The following GALC variants were observed in gnomAD, a reference collection of about 807,000 sequenced individuals.
The protein encoded by GALC is galactocerebrosidase.
Under a neutral mutation model 91.8 loss-of-function variants are expected in GALC, and 77 were observed. That is an observed-to-expected ratio of 0.84 (90% CI 0.70 to 1.01). GALC has a LOEUF of 1.01. GALC is among the 50% of genes least tolerant of loss of function. The probability of loss-of-function intolerance (pLI) is 0.00; values close to 1 mark genes in which losing one functional copy is unlikely to be tolerated. For missense variants in GALC, 882 were observed against 855.9 expected, an observed-to-expected ratio of 1.03 and a Z score of -0.38; for synonymous variants, 357 against 306.7, an observed-to-expected ratio of 1.16 and a Z score of -1.71.
chr14:87,983,773 T>C (rs1378907157), intron 5 of GALC, among the ~76,000 whole-genome samples: 1 of 152,200 alleles, frequency 6.6e-6, no homozygotes, highest in Admixed American at 6.5e-5. Context: ...ACTTTTCAAA[T>C]CCTTAAAAGG....
chr14:87,951,477 A>T (rs408667), intron 10 of GALC, among the ~76,000 whole-genome samples: 69,904 of 151,630 alleles, frequency 0.46, 16,367 homozygotes, highest in African/African-American at 0.49. Flanking sequence ...AGAGATTTGA[A>T]CAACACTACC....
chr14:87,981,668 G>A (rs1886754680), intron 6 of GALC, among the ~76,000 whole-genome samples: 1 of 152,088 alleles, frequency 6.6e-6, no homozygotes, highest in Non-Finnish European at 1.5e-5. Context: ...AGCAATTACA[G>A]TAGTTACCTC....
intron 10 of GALC, chr14:87,953,475 C>T: frequency 6.3e-7 from 1 of 1,582,496 alleles, no homozygotes; most frequent in Non-Finnish European, 8.7e-7. Flanking sequence ...TTCACATAAA[C>T]TCTGACAAAG....
intron 14 of GALC, among the ~76,000 whole-genome samples, chr14:87,942,283 G>C (rs533860873): frequency 1.3e-5 from 2 of 151,960 alleles, no homozygotes; most frequent in Non-Finnish European, 2.9e-5. Context: ...ATGCCACTTG[G>C]AGGACCATTT....
intron 15 of GALC, among the ~76,000 whole-genome samples, chr14:87,941,036 G>A (rs1884813484): frequency 6.6e-6 from 1 of 151,852 alleles, no homozygotes; most frequent in East Asian, 1.9e-4. Flanking sequence ...AGCAGCAACA[G>A]TCGTATACTC....
Position 87,993,124 on chromosome 14 carries a change from G to T in GALC, c.41C>A (p.Ala14Glu), listed in dbSNP as rs373587692. ...WLLSASWQRR[A>E]KAMTAAAGSA... ...ACCCGCGGCCGCAGTCATAGCTTTC[G>T]CTCGGCGTTGCCAGGAAGCCGAGAG... Residue 14 changes from alanine (A) to glutamate (E), a missense_variant, in exon 1 of 17, where the codon GCG becomes GAG. Physicochemically the swap from Ala to Glu is moderately radical, Grantham distance 107 (BLOSUM62 -1). Coordinates refer to ENST00000261304, the MANE Select transcript of GALC (RefSeq NM_000153.4). The T allele has an allele frequency of 2.5e-5, 40 of 1,585,658 alleles. No individual in the cohort carries two copies. The South Asian group carries it at 4.2e-4, about 17-fold the overall frequency.
At chr14:87,955,248 A>C in intron 10 of GALC, 1 of 877,804 alleles carries the variant, frequency 1.1e-6, no homozygotes, top group Admixed American at 1.8e-5. Flanking sequence ...GAAGTACTGA[A>C]ATGATTTGTC....
chr14:87,946,106 G>T (rs1033645563), intron 13 of GALC, among the ~76,000 whole-genome samples: 4 of 151,932 alleles, frequency 2.6e-5, no homozygotes, highest in Non-Finnish European at 5.9e-5. Flanking sequence ...GAGGACAAGA[G>T]AATTAAAGAA....
chr14:87,950,403 T>C (rs1885251650), intron 11 of GALC, among the ~76,000 whole-genome samples: 1 of 151,918 alleles, frequency 6.6e-6, no homozygotes, highest in African/African-American at 2.4e-5. Context: ...AAAATGCTTC[T>C]ACCACCAAGA....
Position 87,955,322 on chromosome 14 carries a change from A to T in GALC, c.1162-4574T>A. 3 of 598,424 alleles carry T rather than the reference A, an allele frequency of 5.0e-6. No homozygotes were observed. In the South Asian group the frequency reaches 6.2e-5, roughly 12 times the overall value. 37.1% of individuals were successfully genotyped at this position (598,424 alleles called of 1,614,324 possible). On this transcript the variant is annotated intron_variant, in intron 10 of 16. Transcript: ENST00000261304. ...TTTTTATTAAATACATTTTACAAAG[A>T]GAATTTCAATTAAAACTTTTTTCTA...
chr14:87,938,794 A>G (rs1259734292), intron 16 of GALC, among the ~76,000 whole-genome samples: 1 of 151,986 alleles, frequency 6.6e-6, no homozygotes, highest in Non-Finnish European at 1.5e-5. Flanking sequence ...GAAATATTTG[A>G]CAGTATCAAA....
Position 87,945,697 on chromosome 14 carries a change from T to C in GALC, c.1526A>G (p.Asp509Gly). ...AAAATATTCAAATACACCAGTTTGA[T>C]CAGCAAAGTTTGGAGCTTCACTAAA... ...PFFSEAPNFA[D>G]QTGVFEYFTN... The change falls in exon 14 of 17, where the codon GAT becomes GGT. Residue 509 changes from aspartate to glycine, a missense_variant. Transcript: ENST00000261304. 1 of 1,612,274 alleles carries C rather than the reference T, an allele frequency of 6.2e-7. No homozygotes were observed. The highest frequency in any genetic ancestry group is 8.5e-7 in the Non-Finnish European group (1 of 1,178,886).
At chr14:87,977,201 T>C (rs1886536638) in intron 6 of GALC, among the ~76,000 whole-genome samples, 1 of 152,178 alleles carries the variant, frequency 6.6e-6, no homozygotes, top group African/African-American at 2.4e-5. Context: ...ATTTTAAGTA[T>C]TTTCCACGGT....
At chr14:87,980,102 G>A (rs911921023) in intron 6 of GALC, among the ~76,000 whole-genome samples, 2 of 152,176 alleles carry the variant, frequency 1.3e-5, no homozygotes, top group Non-Finnish European at 2.9e-5. Flanking sequence ...GCCATTATTG[G>A]CTGGGCGCAG....
At chr14:87,988,030 A>C in intron 3 of GALC, 114 bp downstream of exon 3, 2 of 807,002 alleles carry the variant, frequency 2.5e-6, no homozygotes, top group Non-Finnish European at 2.1e-6. Flanking sequence ...AATAAGCAAC[A>C]ATCAATCTCA....
At chr14:87,968,949 A>C (rs975921278) in intron 7 of GALC, among the ~76,000 whole-genome samples, 8 of 152,150 alleles carry the variant, frequency 5.3e-5, no homozygotes, top group Non-Finnish European at 1.5e-5. Context: ...AAATAAGACT[A>C]GTGAAACCTT....
chr14:87,954,903 T>C (rs548095797), intron 10 of GALC: 1 of 1,568,676 alleles, frequency 6.4e-7, no homozygotes, highest in East Asian at 2.2e-5. Context: ...CTTTAATGAC[T>C]GTAGTTGATG....
intron 1 of GALC, 59 bp from the exon 2 acceptor site, chr14:87,988,582 T>C (rs1343482869): frequency 8.1e-7 from 1 of 1,240,722 alleles, no homozygotes; most frequent in East Asian, 2.3e-5. Context: ...AATATCTGTC[T>C]ACAGTGTTCA....
intron 6 of GALC, chr14:87,980,608 T>A: frequency 2.1e-6 from 1 of 474,404 alleles, no homozygotes; most frequent in Non-Finnish European, 2.7e-6. Context: ...TCACCTCCTC[T>A]AAAAGACTTC....
Sources: gnomAD v4.1 joint callset for allele counts (sites outside exome capture counted in the v4.1 genomes callset) on GRCh38, gnomAD v4.1.1 for gene constraint, MANE v1.5 for transcripts, NCBI Gene and HGNC (gene_info 2026-07-23, HGNC 2026-07-21) for gene names.